Variants in GPC5 observed in about 807,000 individuals in gnomAD.
GPC5 encodes the protein glypican-5.
Under a neutral mutation model 53.9 loss-of-function variants are expected in GPC5, and 47 were observed. That is an observed-to-expected ratio of 0.87 (90% confidence interval 0.69 to 1.11). The LOEUF is 1.11. Ranked by LOEUF, GPC5 falls within the 50% of genes most tolerant of loss-of-function variation. The pLI is 0.00. For missense variants in GPC5, 748 were observed against 713.1 expected (o/e 1.05, Z -0.56); for synonymous variants, 286 against 263.3 (o/e 1.09, Z -0.84).
intron 2 of GPC5, among the ~76,000 whole-genome samples, chr13:91,686,220 A>G (rs2035619982): frequency 6.6e-6 from 1 of 152,088 alleles, no homozygotes; most frequent in Non-Finnish European, 1.5e-5. Flanking sequence ...TGATTTTCAA[A>G]CATAATTAAT....
chr13:92,682,164 A>G (rs1395808327), intron 7 of GPC5, among the ~76,000 whole-genome samples: 7 of 152,206 alleles, frequency 4.6e-5, no homozygotes, highest in Non-Finnish European at 8.8e-5. Flanking sequence ...AGACTGATTC[A>G]ACTGAAGTTT....
rs184438617 is a variant in GPC5, at chr13:92,283,525, A to G, written c.1561+138536A>G. Reference sequence around the variant, plus strand: ...CTCCTCAGCAAATGTAAAAGAACAGAAATTATAACAAACTGTCTCTCAGAC... The same window carrying G: ...CTCCTCAGCAAATGTAAAAGAACAGGAATTATAACAAACTGTCTCTCAGAC... On this transcript the variant is annotated intron_variant, in intron 7 of 7. Coordinates refer to ENST00000377067, the MANE Select transcript of GPC5 (RefSeq NM_004466.6). 1.9e-3 allele frequency among the ~76,000 whole-genome samples: 292 copies of G among 152,348 alleles called. 2 individuals carry two copies. Among genetic ancestry groups the G allele is most frequent in the African/African-American group, 6.7e-3 (280 of 41,572 alleles).
chr13:91,526,100 C>A (rs2138626608), intron 2 of GPC5, among the ~76,000 whole-genome samples: 1 of 152,170 alleles, frequency 6.6e-6, no homozygotes, highest in African/African-American at 2.4e-5. Flanking sequence ...AGGTATAGTT[C>A]TTTCAAAATT....
intron 6 of GPC5, among the ~76,000 whole-genome samples, chr13:91,998,548 C>G (rs568839250): frequency 6.6e-6 from 1 of 152,252 alleles, no homozygotes; most frequent in Admixed American, 6.5e-5. Flanking sequence ...TCATCCCAAC[C>G]TCCACACCAG....
chr13:92,065,768 T>A (rs1407459707), intron 6 of GPC5, among the ~76,000 whole-genome samples: 24 of 152,148 alleles, frequency 1.6e-4, no homozygotes, highest in Admixed American at 1.0e-3. Context: ...GTGTTTCCAG[T>A]CATCCAGTTT....
intron 2 of GPC5, among the ~76,000 whole-genome samples, chr13:91,452,208 T>A (rs574879629): frequency 6.6e-6 from 1 of 152,098 alleles, no homozygotes; most frequent in African/African-American, 2.4e-5. Context: ...GGTCTTGAAC[T>A]CCTGAGCTCA....
At chr13:91,669,421 GATC>G (rs1594405511) in intron 2 of GPC5, among the ~76,000 whole-genome samples, 1 of 152,200 alleles carries the variant, frequency 6.6e-6, no homozygotes, top group East Asian at 1.9e-4. Context: ...GCTAAGGGTT[GATC>G]AGGGGATGGT....
intron 6 of GPC5, among the ~76,000 whole-genome samples, chr13:92,116,067 A>T (rs1479500945): frequency 6.6e-6 from 1 of 152,128 alleles, no homozygotes; most frequent in Non-Finnish European, 1.5e-5. Context: ...GCTGGGCAAC[A>T]TAGCAGGAAA....
At chr13:92,081,054 C>G (rs1031247009) in intron 6 of GPC5, among the ~76,000 whole-genome samples, 2 of 152,066 alleles carry the variant, frequency 1.3e-5, no homozygotes, top group Non-Finnish European at 2.9e-5. Flanking sequence ...CTCTATATGC[C>G]TCTCTATTTT....
At chr13:91,743,748 C>T (rs956143793) in intron 4 of GPC5, among the ~76,000 whole-genome samples, 2 of 152,118 alleles carry the variant, frequency 1.3e-5, no homozygotes, top group Non-Finnish European at 2.9e-5. Context: ...CAGTCCAAAA[C>T]ACAAATCAGA....
rs558603980 is a variant in GPC5 at position 92,475,191 on chromosome 13, T to C, written c.1561+330202T>C. On this transcript the variant is annotated intron_variant, in intron 7 of 7. Transcript: ENST00000377067. ...GATTGACTTGGCGATGCGGGCTCTT[T>C]TTTGGTTCCATATGAACTTTAAAGT... Among the ~76,000 whole-genome samples, 77 of 151,668 alleles carry C rather than the reference T, an allele frequency of 5.1e-4. 1 individual carries two copies. Among genetic ancestry groups the C allele is most frequent in the Non-Finnish European group, 1.0e-3 (69 of 67,894 alleles).
chr13:91,690,561 A>G (rs1255443016), intron 2 of GPC5, among the ~76,000 whole-genome samples: 1 of 152,192 alleles, frequency 6.6e-6, no homozygotes, highest in East Asian at 1.9e-4. Context: ...TCTCTTCAAC[A>G]TTGCTTTTAC....
intron 7 of GPC5, among the ~76,000 whole-genome samples, chr13:92,356,791 T>C (rs2043526041): frequency 6.6e-6 from 1 of 152,238 alleles, no homozygotes; most frequent in Non-Finnish European, 1.5e-5. Flanking sequence ...AGGTTTGTTG[T>C]ATAAATTATT....
chr13:92,423,731 C>T (rs1247502089), intron 7 of GPC5, among the ~76,000 whole-genome samples: 1 of 152,124 alleles, frequency 6.6e-6, no homozygotes, highest in Non-Finnish European at 1.5e-5. Flanking sequence ...CATTTCACAT[C>T]CCTGTAGCCT....
At chr13:92,753,282 C>CTGTT (rs1310699462) in intron 7 of GPC5, among the ~76,000 whole-genome samples, 1 of 152,164 alleles carries the variant, frequency 6.6e-6, no homozygotes, top group Non-Finnish European at 1.5e-5. Context: ...AGGGTCCTGT[C>CTGTT]TGTTAGAAGG....
chr13:92,193,298 A>G (rs1398635295), intron 7 of GPC5, among the ~76,000 whole-genome samples: 1 of 152,262 alleles, frequency 6.6e-6, no homozygotes. Flanking sequence ...TTCCAATAAA[A>G]AAAGCAGAGT....
chr13:92,814,891 T>C (rs1877416009), intron 7 of GPC5, among the ~76,000 whole-genome samples: 2 of 151,948 alleles, frequency 1.3e-5, no homozygotes, highest in South Asian at 4.1e-4. Context: ...ATAGCTACAC[T>C]TTAAATAGCC....
At chr13:91,804,526 T>C (rs1484887334) in intron 5 of GPC5, among the ~76,000 whole-genome samples, 1 of 152,222 alleles carries the variant, frequency 6.6e-6, no homozygotes, top group Non-Finnish European at 1.5e-5. Flanking sequence ...TTTATTTAAC[T>C]GATGCACGCT....
At chr13:92,030,634 C>A (rs2040833571) in intron 6 of GPC5, among the ~76,000 whole-genome samples, 1 of 151,674 alleles carries the variant, frequency 6.6e-6, no homozygotes, top group Non-Finnish European at 1.5e-5. Context: ...ATTAAGGTCA[C>A]CAGTGACTCT....
Sources: gnomAD v4.1 joint callset for allele counts (sites outside exome capture counted in the v4.1 genomes callset) on GRCh38, gnomAD v4.1.1 for gene constraint, MANE v1.5 for transcripts, NCBI Gene and HGNC (gene_info 2026-07-23, HGNC 2026-07-21) for gene names.